LRRC42: variants seen among roughly 807,000 people sequenced by gnomAD.
LRRC42 encodes leucine-rich repeat-containing protein 42.
Under a neutral mutation model 44.3 loss-of-function variants are expected in LRRC42, and 43 were observed. The observed-to-expected ratio is 0.97, with a 90% confidence interval of 0.76 to 1.25. The LOEUF (loss-of-function observed/expected upper bound fraction) is 1.25, where lower values mean the gene tolerates loss of function less well. LRRC42 is among the 50% of genes most tolerant of loss of function. The pLI is 0.00. For synonymous variants in LRRC42, 207 were observed against 195.2 expected, an observed-to-expected ratio of 1.06 and a Z score of -0.50; for missense variants, 540 against 509.1, an observed-to-expected ratio of 1.06 and a Z score of -0.58.
At chr1:53,963,947 A>AC (rs5774166) in intron 7 of LRRC42, among the ~76,000 whole-genome samples, 45,810 of 82,276 alleles carry the variant, frequency 0.56, 11,326 homozygotes, top group Middle Eastern at 0.65. Context: ...CCTCCTGCCC[A>AC]CCCCCCCCCC....
chr1:53,949,727 C>T (rs1557643137), intron 2 of LRRC42, among the ~76,000 whole-genome samples: 1 of 152,052 alleles, frequency 6.6e-6, no homozygotes, highest in Non-Finnish European at 1.5e-5. Context: ...GGATTTTTTT[C>T]CCCTGTTTTT....
chr1:53,951,539 C>G (rs980904246), intron 2 of LRRC42, among the ~76,000 whole-genome samples: 1 of 152,178 alleles, frequency 6.6e-6, no homozygotes, highest in South Asian at 2.1e-4. Flanking sequence ...ATTCTCTTGC[C>G]TCAGCCTCCT....
At chr1:53,949,563 C>A (rs897523387) in intron 2 of LRRC42, among the ~76,000 whole-genome samples, 13 of 152,144 alleles carry the variant, frequency 8.5e-5, no homozygotes, top group Non-Finnish European at 1.3e-4. Flanking sequence ...TGCCGTAATT[C>A]CTCAGTCAAA....
At chr1:53,964,887 T>C (rs562561019) in intron 7 of LRRC42, among the ~76,000 whole-genome samples, 4 of 152,264 alleles carry the variant, frequency 2.6e-5, no homozygotes, top group African/African-American at 4.8e-5. Context: ...GGTTTCACCA[T>C]GTTGCCCAGG....
chr1:53,962,990 A>G (rs891849742), intron 7 of LRRC42, among the ~76,000 whole-genome samples: 2 of 152,046 alleles, frequency 1.3e-5, no homozygotes, highest in Non-Finnish European at 2.9e-5. Flanking sequence ...AGAGTCTTCT[A>G]TGTAAGTTGG....
intron 7 of LRRC42, 121 bp downstream of exon 7, chr1:53,962,530 C>A: frequency 1.4e-6 from 1 of 690,666 alleles, no homozygotes; most frequent in Non-Finnish European, 2.6e-6. Flanking sequence ...TTGTCATCTT[C>A]ATGTCAAATT....
At chr1:53,965,837 G>C (rs1381544418) in intron 7 of LRRC42, among the ~76,000 whole-genome samples, 1 of 152,164 alleles carries the variant, frequency 6.6e-6, no homozygotes. Flanking sequence ...AGTTTAAAAA[G>C]TAAAAACTGA....
Position 53,958,242 on chromosome 1 carries a change from T to A in LRRC42, c.567T>A (p.His189Gln), listed in dbSNP as rs1374989712. 6.2e-7 allele frequency: 1 copy of A among 1,613,886 alleles called. No homozygotes were observed. Among genetic ancestry groups the A allele is most frequent in the Admixed American group, 1.7e-5 (1 of 60,010 alleles). The change falls in exon 4 of 9, where the codon CAT becomes CAA. Residue 189 changes from histidine to glutamine, a missense_variant. Coordinates refer to ENST00000371370, the MANE Select transcript of LRRC42 (RefSeq NM_001256409.2). The part of the protein sequence containing the change: ...DLSCCKLGDE[H>Q]ELLEHLTNEA... ...CCTGTTGCAAGCTTGGAGATGAGCA[T>A]GAACTTCTAGAACATCTCACCAATG... is the stretch of plus-strand genomic sequence containing the variant.
chr1:53,962,909 AC>A (rs1157930148), intron 7 of LRRC42, among the ~76,000 whole-genome samples: 4 of 151,960 alleles, frequency 2.6e-5, no homozygotes, highest in African/African-American at 9.7e-5. Flanking sequence ...CAGTGAGAGA[AC>A]TTTACTTTGA....
At chr1:53,949,653 A>G (rs1335472567) in intron 2 of LRRC42, among the ~76,000 whole-genome samples, 1 of 152,210 alleles carries the variant, frequency 6.6e-6, no homozygotes, top group Admixed American at 6.5e-5. Flanking sequence ...GTGTCTCCTT[A>G]GCAGCAGGGG....
chr1:53,968,013 C>CT lies in LRRC42; in HGVS notation c.*79dup. 6.6e-7 allele frequency: 1 copy of CT among 1,504,034 alleles called. No individual in the cohort carries two copies. Among genetic ancestry groups the CT allele is most frequent in the Non-Finnish European group, 9.0e-7 (1 of 1,114,336 alleles). 93.2% of individuals were successfully genotyped at this position (1,504,034 alleles called of 1,614,324 possible). ...AGTAAAGGAGACTGAGGATGATTTA[C>CT]TTTTTGTTTGAATTTACCTATGGCA... On this transcript the variant is annotated 3_prime_UTR_variant, in exon 9 of 9. Coordinates refer to ENST00000371370, the MANE Select transcript of LRRC42 (RefSeq NM_001256409.2).
chr1:53,967,589 T>G (rs941179837), intron 8 of LRRC42, 76 bp from the exon 9 acceptor site: 2 of 1,400,074 alleles, frequency 1.4e-6, no homozygotes, highest in Admixed American at 2.0e-5. Context: ...GTCATATCCC[T>G]GGGTTTATCC....
chr1:53,952,189 G>A lies in LRRC42; in HGVS notation c.190G>A (p.Ala64Thr), dbSNP rs1397458530. The A allele has an allele frequency of 1.2e-6, 2 of 1,614,124 alleles. No homozygotes were observed. Among genetic ancestry groups the A allele is most frequent in the South Asian group, 2.2e-5 (2 of 91,084 alleles). Residue 64 changes from alanine (A) to threonine (T), a missense_variant, in exon 3 of 9, where the codon GCA becomes ACA. Ala to Thr is a moderately conservative substitution (Grantham distance 58). Coordinates refer to ENST00000371370, the MANE Select transcript of LRRC42 (RefSeq NM_001256409.2). Reference sequence around the variant, plus strand: ...TTGCATGAACAGGGAAGACGACACTGCACGGAAAGAGAAGACTGATCATTT... The same window carrying A: ...TTGCATGAACAGGGAAGACGACACTACACGGAAAGAGAAGACTGATCATTT... ...ELCMNREDDTARKEKTDHFIF... is the reference protein window; with the variant it reads ...ELCMNREDDTTRKEKTDHFIF...
intron 3 of LRRC42, among the ~76,000 whole-genome samples, chr1:53,953,085 C>G (rs930900640): frequency 6.6e-6 from 1 of 152,120 alleles, no homozygotes; most frequent in Non-Finnish European, 1.5e-5. Context: ...CTTGCAAAAA[C>G]AATAAAACTA....
intron 3 of LRRC42, among the ~76,000 whole-genome samples, chr1:53,957,016 C>T (rs924158435): frequency 1.3e-5 from 2 of 152,174 alleles, no homozygotes; most frequent in Admixed American, 1.3e-4. Context: ...AGGTTCCACC[C>T]TTTAAGGGGG....
chr1:53,951,959 T>C, intron 2 of LRRC42, 27 bp from the exon 3 acceptor site: 1 of 1,532,598 alleles, frequency 6.5e-7, no homozygotes. Flanking sequence ...TTAATTGGAT[T>C]TGCTTCCCTG....
intron 3 of LRRC42, among the ~76,000 whole-genome samples, chr1:53,953,339 T>C (rs765872426): frequency 2.6e-4 from 40 of 152,218 alleles, no homozygotes; most frequent in Admixed American, 3.3e-4. Context: ...TGAAAATCAT[T>C]TATCATCAAT....
At position 53,958,084 on chromosome 1, in the gene LRRC42, T is replaced by C. The variant is rs1654887039; in HGVS notation, c.474-65T>C. On this transcript the variant is annotated intron_variant, in intron 3 of 8. Transcript: ENST00000371370. ...GGTAGGATATTGACTATGATACAAATCCACAAATGGTAATGCTTTAAGAGT... is the reference window on the plus strand; with the variant it reads ...GGTAGGATATTGACTATGATACAAACCCACAAATGGTAATGCTTTAAGAGT... 1.4e-5 allele frequency: 22 copies of C among 1,596,992 alleles called. No individual in the cohort carries two copies. The South Asian group carries it at 2.3e-4, about 17-fold the overall frequency.
intron 5 of LRRC42, among the ~76,000 whole-genome samples, chr1:53,961,018 C>A (rs1213970723): frequency 6.6e-6 from 1 of 152,210 alleles, no homozygotes; most frequent in African/African-American, 2.4e-5. Context: ...TCTGAGGACC[C>A]TTCTTGGTCT....
Sources: allele counts gnomAD v4.1 joint callset (sites outside exome capture counted in the v4.1 genomes callset), GRCh38; gene constraint gnomAD v4.1.1; transcripts MANE v1.5; gene names NCBI Gene and HGNC (gene_info 2026-07-23, HGNC 2026-07-21).